PDE4D: variants seen among roughly 807,000 people sequenced by gnomAD.
The protein encoded by PDE4D is phosphodiesterase 4D, also known as 3',5'-cyclic-AMP phosphodiesterase 4D.
In PDE4D, 24 loss-of-function variants were observed where a neutral mutation model predicts 87.4. The observed-to-expected ratio is 0.27, with a 90% CI of 0.20 to 0.39. The LOEUF (loss-of-function observed/expected upper bound fraction) is 0.39, where lower values mean the gene tolerates loss of function less well. Ranked by LOEUF, PDE4D falls within the 10% of genes least tolerant of loss-of-function variation. The probability of loss-of-function intolerance (pLI) is 1.00; values close to 1 mark genes in which losing one functional copy is unlikely to be tolerated. For synonymous variants in PDE4D, 384 were observed against 383.2 expected, an observed-to-expected ratio of 1.00 and a Z score of -0.02; for missense variants, 714 against 1,041.0, an observed-to-expected ratio of 0.69 and a Z score of 4.32.
intron 1 of PDE4D, among the ~76,000 whole-genome samples, chr5:59,518,447 G>A (rs1175534157): frequency 6.6e-6 from 1 of 152,128 alleles, no homozygotes; most frequent in African/African-American, 2.4e-5. Context: ...GCTGGGCTGT[G>A]CACTATGGTG....
At chr5:59,285,390 T>C (rs186370852) in intron 1 of PDE4D, among the ~76,000 whole-genome samples, 4 of 152,220 alleles carry the variant, frequency 2.6e-5, no homozygotes, top group South Asian at 4.2e-4. Flanking sequence ...ATTTGCTTCA[T>C]GGCTGGAATT....
intron 1 of PDE4D, among the ~76,000 whole-genome samples, chr5:60,442,399 A>G (rs1272188256): frequency 2.0e-5 from 3 of 151,826 alleles, no homozygotes; most frequent in African/African-American, 7.3e-5. Flanking sequence ...ATGAGAACAC[A>G]TGGACACAGG....
chr5:59,595,832 A>C (rs1469606044), intron 1 of PDE4D, among the ~76,000 whole-genome samples: 1 of 152,048 alleles, frequency 6.6e-6, no homozygotes, highest in Non-Finnish European at 1.5e-5. Flanking sequence ...ATATCGCTGC[A>C]TATACTACTA....
intron 1 of PDE4D, among the ~76,000 whole-genome samples, chr5:59,683,673 C>T (rs760634624): frequency 2.0e-5 from 3 of 152,126 alleles, no homozygotes; most frequent in Non-Finnish European, 4.4e-5. Flanking sequence ...TCTGCTAAAT[C>T]GTTCCATTAC....
chr5:59,313,449 A>G (rs1773083003), intron 1 of PDE4D, among the ~76,000 whole-genome samples: 1 of 152,086 alleles, frequency 6.6e-6, no homozygotes, highest in African/African-American at 2.4e-5. Context: ...CTAATATCCC[A>G]GTTTCTCCCA....
chr5:59,390,055 G>A (rs1322919423), intron 1 of PDE4D, among the ~76,000 whole-genome samples: 1 of 151,928 alleles, frequency 6.6e-6, no homozygotes, highest in East Asian at 1.9e-4. Flanking sequence ...TAAATACCCT[G>A]ATTTGATCAT....
At chr5:60,179,738 A>C (rs746488077) in intron 2 of PDE4D, among the ~76,000 whole-genome samples, 16 of 152,184 alleles carry the variant, frequency 1.1e-4, no homozygotes, top group Admixed American at 2.0e-4. Context: ...ATTTTAATTG[A>C]AGTCAATTTT....
At chr5:59,170,474 G>C (rs1469400951) in intron 5 of PDE4D, among the ~76,000 whole-genome samples, 1 of 152,066 alleles carries the variant, frequency 6.6e-6, no homozygotes, top group Non-Finnish European at 1.5e-5. Flanking sequence ...TGTTAGGGCG[G>C]GTCTCACCAG....
At chr5:59,964,925 T>G (rs767285109) in intron 3 of PDE4D, among the ~76,000 whole-genome samples, 10 of 152,294 alleles carry the variant, frequency 6.6e-5, no homozygotes, top group East Asian at 1.9e-4. Context: ...TATGTTTTTC[T>G]TCTCTCAATT....
intron 1 of PDE4D, among the ~76,000 whole-genome samples, chr5:60,193,442 G>A (rs888870476): frequency 3.9e-5 from 6 of 151,900 alleles, no homozygotes; most frequent in Admixed American, 1.3e-4. Flanking sequence ...AGGCCGAGGC[G>A]GGTGGATCAC....
At chr5:59,995,566 G>A (rs761920972) in intron 2 of PDE4D, among the ~76,000 whole-genome samples, 83 of 151,936 alleles carry the variant, frequency 5.5e-4, no homozygotes, top group Non-Finnish European at 1.0e-3. Flanking sequence ...GTGATCCACC[G>A]CCTCGGCCTC....
chr5:59,381,672 A>G (rs1376133328), intron 1 of PDE4D, among the ~76,000 whole-genome samples: 2 of 152,080 alleles, frequency 1.3e-5, no homozygotes, highest in African/African-American at 4.8e-5. Flanking sequence ...TGCAAATATC[A>G]CGTCTTTCTA....
chr5:59,791,111 G>A (rs1412515278), intron 1 of PDE4D, among the ~76,000 whole-genome samples: 2 of 152,214 alleles, frequency 1.3e-5, no homozygotes, highest in African/African-American at 4.8e-5. Flanking sequence ...ATCTGCCATG[G>A]CATTTTATAT....
chr5:60,361,171 G>C (rs1760026692), intron 1 of PDE4D, among the ~76,000 whole-genome samples: 1 of 152,174 alleles, frequency 6.6e-6, no homozygotes, highest in East Asian at 1.9e-4. Flanking sequence ...ATCTAGCATA[G>C]TGATCAAGCA....
chr5:59,022,552 G>A (rs1351214518), intron 6 of PDE4D, among the ~76,000 whole-genome samples: 2 of 152,126 alleles, frequency 1.3e-5, no homozygotes, highest in African/African-American at 4.8e-5. Flanking sequence ...TCTATCTGCT[G>A]TCTGCTTCCC....
intron 1 of PDE4D, among the ~76,000 whole-genome samples, chr5:60,233,323 T>C (rs1170384108): frequency 4.6e-5 from 7 of 151,832 alleles, no homozygotes. Flanking sequence ...ATATCTGTAA[T>C]ACTCTTCTAA....
intron 1 of PDE4D, among the ~76,000 whole-genome samples, chr5:60,398,258 C>T (rs1763027424): frequency 6.6e-6 from 1 of 152,214 alleles, no homozygotes; most frequent in African/African-American, 2.4e-5. Context: ...TTCTTCCATC[C>T]ACCACTCACA....
intron 1 of PDE4D, among the ~76,000 whole-genome samples, chr5:60,356,049 T>C (rs979211344): frequency 3.3e-5 from 5 of 152,096 alleles, no homozygotes; most frequent in African/African-American, 1.2e-4. Context: ...TCACATTTAG[T>C]AAGAAATGCC....
chr5:60,242,673 A>G (rs367824176), intron 1 of PDE4D, among the ~76,000 whole-genome samples: 34 of 152,258 alleles, frequency 2.2e-4, no homozygotes, highest in Admixed American at 4.6e-4. Flanking sequence ...AATTAAAACA[A>G]GAGGAATTTT....
Sources: gnomAD v4.1 joint callset for allele counts (sites outside exome capture counted in the v4.1 genomes callset) on GRCh38, gnomAD v4.1.1 for gene constraint, MANE v1.5 for transcripts, NCBI Gene and HGNC (gene_info 2026-07-23, HGNC 2026-07-21) for gene names.